MAP2K5: variants seen among roughly 807,000 people sequenced by gnomAD.
MAP2K5 encodes the protein dual specificity mitogen-activated protein kinase kinase 5.
MAP2K5 carries 49 observed loss-of-function variants against 83.1 expected under a neutral mutation model. The ratio of observed to expected loss-of-function variants is 0.59; its 90% CI spans 0.47 to 0.75. The LOEUF (loss-of-function observed/expected upper bound fraction) is 0.75. MAP2K5 is among the 30% of genes least tolerant of loss of function. MAP2K5 has a pLI of 0.00. For missense variants in MAP2K5, 457 were observed against 557.5 expected (o/e 0.82, Z 1.82); for synonymous variants, 202 against 191.8 (o/e 1.05, Z -0.44).
At chr15:67,754,658 T>C (rs1348262459) in intron 19 of MAP2K5, among the ~76,000 whole-genome samples, 1 of 152,194 alleles carries the variant, frequency 6.6e-6, no homozygotes. Context: ...ATATTTGAGC[T>C]GGGCTTTGGA....
intron 13 of MAP2K5, among the ~76,000 whole-genome samples, chr15:67,675,186 G>A (rs1260017676): frequency 6.6e-6 from 1 of 152,158 alleles, no homozygotes; most frequent in Non-Finnish European, 1.5e-5. Flanking sequence ...GCCAAAAACT[G>A]GAAACAACTC....
intron 13 of MAP2K5, among the ~76,000 whole-genome samples, chr15:67,684,606 G>A (rs1197933075): frequency 2.6e-5 from 4 of 152,020 alleles, no homozygotes; most frequent in Non-Finnish European, 5.9e-5. Flanking sequence ...GACTATAACC[G>A]GGAAAAAATC....
intron 13 of MAP2K5, 31 bp downstream of exon 13, chr15:67,664,676 A>T (rs62016202): frequency 0.017 from 26,295 of 1,533,056 alleles, 308 homozygotes; most frequent in African/African-American, 0.04. Context: ...CTTGGATTTA[A>T]TTTGGGGTGG....
chr15:67,605,790 C>T (rs1011383738), intron 8 of MAP2K5, among the ~76,000 whole-genome samples: 8 of 152,100 alleles, frequency 5.3e-5, no homozygotes, highest in African/African-American at 9.7e-5. Context: ...ACCCTTGGTA[C>T]GTCTTGGCTA....
At chr15:67,669,521 T>C (rs1338773178) in intron 13 of MAP2K5, among the ~76,000 whole-genome samples, 4 of 152,078 alleles carry the variant, frequency 2.6e-5, no homozygotes, top group African/African-American at 4.8e-5. Context: ...GGCCAGTGTG[T>C]CTGTATCTGA....
At chr15:67,686,671 G>A (rs908145991) in intron 13 of MAP2K5, among the ~76,000 whole-genome samples, 7 of 151,922 alleles carry the variant, frequency 4.6e-5, no homozygotes, top group Non-Finnish European at 2.9e-5. Context: ...TAATTTATGA[G>A]AAGAAGCAAA....
intron 9 of MAP2K5, among the ~76,000 whole-genome samples, chr15:67,633,256 A>G (rs1287013703): frequency 6.6e-6 from 1 of 152,118 alleles, no homozygotes; most frequent in Non-Finnish European, 1.5e-5. Context: ...TTTCCCATCC[A>G]TTGAGTTACT....
At position 67,676,712 on chromosome 15, in the gene MAP2K5, C is replaced by T. The variant is rs960145226; in HGVS notation, c.847+12067C>T. Among the ~76,000 whole-genome samples the T allele has an allele frequency of 2.0e-5, 3 of 152,054 alleles. No homozygotes were observed. The highest frequency in any genetic ancestry group is 2.9e-5 in the Non-Finnish European group (2 of 68,024). ...AATTTTATTTAATTGTTATAATAACCTTGTGAGGAGGTATCATTGTATCTC... is the reference window on the plus strand; with the variant it reads ...AATTTTATTTAATTGTTATAATAACTTTGTGAGGAGGTATCATTGTATCTC... On this transcript the variant is annotated intron_variant, in intron 13 of 21. Transcript: ENST00000178640. This position sits in a 1 kb window ranked among gnomAD's most constrained non-coding sequence, Gnocchi z 4.8.
chr15:67,718,525 A>G (rs1167838708), intron 16 of MAP2K5, among the ~76,000 whole-genome samples: 2 of 151,994 alleles, frequency 1.3e-5, no homozygotes, highest in East Asian at 3.9e-4. Flanking sequence ...GCACTTTGGG[A>G]GGCTGAGGTG....
rs2089406828 is a variant in MAP2K5 at position 67,738,931 on chromosome 15, C to T, written c.1075-9300C>T. ...TTACTTCCTTGAAGTTTACTGAAACCTGATTGTACCTATATCAAAATATGG... is the reference window on the plus strand; with the variant it reads ...TTACTTCCTTGAAGTTTACTGAAACTTGATTGTACCTATATCAAAATATGG... On this transcript the variant is annotated intron_variant, in intron 17 of 21. Transcript: ENST00000178640. The surrounding 1 kb of genome is among the most constrained non-coding windows in gnomAD (Gnocchi z 4.1). Among the ~76,000 whole-genome samples the T allele has an allele frequency of 1.3e-5, 2 of 152,040 alleles. No individual in the cohort carries two copies. The highest frequency in any genetic ancestry group is 2.9e-5 in the Non-Finnish European group (2 of 68,012).
intron 13 of MAP2K5, among the ~76,000 whole-genome samples, chr15:67,672,812 T>G (rs1333581042): frequency 6.7e-6 from 1 of 149,624 alleles, no homozygotes; most frequent in African/African-American, 2.5e-5. Context: ...GTTTAAGTCT[T>G]TAATCCATCT....
chr15:67,643,118 G>T (rs1434595945), intron 9 of MAP2K5, among the ~76,000 whole-genome samples: 1 of 152,094 alleles, frequency 6.6e-6, no homozygotes, highest in African/African-American at 2.4e-5. Flanking sequence ...TTTTTTTCAA[G>T]TGCCCTAGGT....
intron 17 of MAP2K5, among the ~76,000 whole-genome samples, chr15:67,741,590 C>T (rs2089493037): frequency 6.6e-6 from 1 of 152,096 alleles, no homozygotes; most frequent in Non-Finnish European, 1.5e-5. Flanking sequence ...TAGGTCTGAA[C>T]CACCTACCAT....
intron 1 of MAP2K5, among the ~76,000 whole-genome samples, chr15:67,549,360 A>T (rs2084462645): frequency 6.6e-6 from 1 of 152,184 alleles, no homozygotes; most frequent in Non-Finnish European, 1.5e-5. Flanking sequence ...CGGTGTCATT[A>T]AGTATGTTTT....
intron 12 of MAP2K5, 146 bp downstream of exon 12, chr15:67,658,760 T>G: frequency 1.4e-6 from 1 of 705,672 alleles, no homozygotes; most frequent in Non-Finnish European, 2.5e-6. Flanking sequence ...GTTTTGTTCT[T>G]CTTTTCATAG....
rs1567283588 is a variant in MAP2K5, at chr15:67,575,920, T to TTTCTG, written c.253-4832_253-4831insCTGTT. 1.0e-4 allele frequency among the ~76,000 whole-genome samples: 13 copies of TTTCTG among 126,216 alleles called. No individual in the cohort carries two copies. In the East Asian group the frequency reaches 2.5e-3, roughly 24 times the overall value. The allele number at this position is 126,216 out of a possible 152,430, so 82.8% of individuals were successfully genotyped here. A position where few individuals can be genotyped will look rare whatever the true frequency, so the allele number is the denominator to read the frequency against. On this transcript the variant is annotated intron_variant, in intron 3 of 21. Coordinates refer to ENST00000178640, the MANE Select transcript of MAP2K5 (RefSeq NM_145160.3). ...TTTTTCTTTCTTTCTTTCTTTCTTT[T>TTTCTG]TTTTTTTTTTTTTTTTTAAGATGGA...
chr15:67,703,853 A>G (rs1304618113), intron 16 of MAP2K5, among the ~76,000 whole-genome samples: 1 of 152,056 alleles, frequency 6.6e-6, no homozygotes, highest in Non-Finnish European at 1.5e-5. Context: ...ATACAGCACT[A>G]CTCATTTAGA....
chr15:67,572,118 G>A lies in MAP2K5; in HGVS notation c.253-8636G>A, dbSNP rs892118101. On this transcript the variant is annotated intron_variant, in intron 3 of 21. Coordinates refer to ENST00000178640, the MANE Select transcript of MAP2K5 (RefSeq NM_145160.3). This position sits in a 1 kb window ranked among gnomAD's most constrained non-coding sequence, Gnocchi z 4.2. ...CCAAAAAGGCTTCCTGAAGAGGGCA[G>A]TGTCCAGGTGGAGTAAGTTAGGACA... Among the ~76,000 whole-genome samples the A allele has an allele frequency of 2.0e-5, 3 of 152,224 alleles. No individual in the cohort carries two copies. Among genetic ancestry groups the A allele is most frequent in the Admixed American group, 6.5e-5 (1 of 15,288 alleles).
At chr15:67,788,024 C>T (rs2090448334) in intron 21 of MAP2K5, among the ~76,000 whole-genome samples, 1 of 152,180 alleles carries the variant, frequency 6.6e-6, no homozygotes, top group Non-Finnish European at 1.5e-5. Flanking sequence ...GGCACAGCAC[C>T]GTCCTAAGGT....
Sources: gnomAD v4.1 joint callset for allele counts (sites outside exome capture counted in the v4.1 genomes callset) on GRCh38, gnomAD v4.1.1 for gene constraint, Gnocchi (gnomAD v3.1) non-coding constraint, MANE v1.5 for transcripts, NCBI Gene and HGNC (gene_info 2026-07-23, HGNC 2026-07-21) for gene names.